The following ERG variants were observed in gnomAD, a reference collection of about 807,000 sequenced individuals.
The protein encoded by ERG is transcriptional regulator ERG.
In ERG, 9 loss-of-function variants were observed where a neutral mutation model predicts 55.3. The observed-to-expected ratio is 0.16, with a 90% CI of 0.10 to 0.28. The LOEUF (loss-of-function observed/expected upper bound fraction) is 0.28. ERG is among the 10% of genes least tolerant of loss of function. The pLI, the probability that ERG is intolerant of heterozygous loss-of-function variation, is 1.00. For missense variants in ERG, 434 were observed against 631.6 expected (o/e 0.69, Z 3.35); for synonymous variants, 223 against 237.3 (o/e 0.94, Z 0.55).
At chr21:38,415,223 GTT>G (rs1247776070) in intron 3 of ERG, among the ~76,000 whole-genome samples, 2 of 152,160 alleles carry the variant, frequency 1.3e-5, no homozygotes, top group African/African-American at 4.8e-5. Context: ...AGCGTTCCTA[GTT>G]TTAGTTTCTT....
intron 2 of ERG, among the ~76,000 whole-genome samples, chr21:38,567,401 C>T (rs958224360): frequency 4.6e-5 from 7 of 151,992 alleles, no homozygotes; most frequent in Admixed American, 1.3e-4. Flanking sequence ...TTTAATTGTG[C>T]CATCATCCTG....
chr21:38,427,887 C>T (rs1481212250), intron 2 of ERG, among the ~76,000 whole-genome samples: 1 of 152,082 alleles, frequency 6.6e-6, no homozygotes, highest in Non-Finnish European at 1.5e-5. Context: ...GAGATATCTG[C>T]TTTACTTAAG....
intron 1 of ERG, among the ~76,000 whole-genome samples, chr21:38,658,556 C>T (rs1488453044): frequency 6.6e-6 from 1 of 151,418 alleles, no homozygotes; most frequent in Admixed American, 6.6e-5. Context: ...TTAAAGATAG[C>T]AAGATAAAAA....
rs191255084 is a variant in ERG at position 38,571,547 on chromosome 21, T to A, written c.-41+4115A>T. On this transcript the variant is annotated intron_variant, in intron 2 of 8. Coordinates refer to the ERG transcript ENST00000398897. ...ATAAAAATAAATAATAAATAAAAAA[T>A]TTTTAAAAAAGGTACCTGGAACGGC... Among the ~76,000 whole-genome samples the A allele has an allele frequency of 2.9e-3, 443 of 151,690 alleles. 2 individuals are homozygous for A. Among genetic ancestry groups the A allele is most frequent in the Admixed American group, 5.1e-3 (77 of 15,246 alleles).
chr21:38,579,539 C>G (rs1041303563), intron 1 of ERG, among the ~76,000 whole-genome samples: 2 of 152,132 alleles, frequency 1.3e-5, no homozygotes, highest in Admixed American at 6.5e-5. Context: ...CACCAAGGAG[C>G]CTTGATGAAC....
intron 1 of ERG, among the ~76,000 whole-genome samples, chr21:38,649,872 A>G (rs2060478405): frequency 6.6e-6 from 1 of 152,222 alleles, no homozygotes; most frequent in Non-Finnish European, 1.5e-5. Context: ...GTGACCCTAC[A>G]ATGAAGCATC....
chr21:38,622,554 C>T lies in ERG; in HGVS notation c.-149-37609G>A, dbSNP rs574662257. On this transcript the variant is annotated intron_variant, in intron 1 of 10. Transcript: ENST00000398910. ...ACATACACACCATACCACGCACATA[C>T]ACACCACGCACACATGCTCATATGT... Among the ~76,000 whole-genome samples the T allele has an allele frequency of 2.4e-3, 357 of 148,934 alleles. 1 individual carries two copies. The highest frequency in any genetic ancestry group is 8.3e-3 in the African/African-American group (335 of 40,280).
intron 1 of ERG, among the ~76,000 whole-genome samples, chr21:38,650,372 C>T (rs111319121): frequency 0.041 from 6,211 of 152,190 alleles, 392 homozygotes; most frequent in African/African-American, 0.14. Flanking sequence ...CACGGTGGCT[C>T]AGCCTGTAAT....
chr21:38,503,880 A>C (rs1444501360), intron 2 of ERG, among the ~76,000 whole-genome samples: 1 of 152,154 alleles, frequency 6.6e-6, no homozygotes, highest in African/African-American at 2.4e-5. Context: ...CATACGCGGC[A>C]TGAAGACACT....
chr21:38,556,191 A>C (rs2059857161), intron 2 of ERG, among the ~76,000 whole-genome samples: 1 of 152,218 alleles, frequency 6.6e-6, no homozygotes, highest in African/African-American at 2.4e-5. Context: ...GTTTCAAAAA[A>C]TTGAAAAAAT....
chr21:38,597,846 C>A (rs2060141583), intron 1 of ERG, among the ~76,000 whole-genome samples: 1 of 152,154 alleles, frequency 6.6e-6, no homozygotes, highest in Non-Finnish European at 1.5e-5. Flanking sequence ...ATTATAAAAT[C>A]ATATAATTTA....
intron 1 of ERG, among the ~76,000 whole-genome samples, chr21:38,446,271 T>A (rs1288816334): frequency 6.8e-6 from 1 of 147,850 alleles, no homozygotes; most frequent in Non-Finnish European, 1.5e-5. Flanking sequence ...AGTATCCAGA[T>A]GCTTCCAAAC....
chr21:38,545,518 T>C (rs2059782567), intron 2 of ERG, among the ~76,000 whole-genome samples: 1 of 152,194 alleles, frequency 6.6e-6, no homozygotes, highest in South Asian at 2.1e-4. Context: ...GTGACGGATA[T>C]TTTCCCTGTG....
At chr21:38,592,761 G>C (rs1025195480) in intron 1 of ERG, among the ~76,000 whole-genome samples, 1 of 152,168 alleles carries the variant, frequency 6.6e-6, no homozygotes, top group African/African-American at 2.4e-5. Context: ...GTGCAGTTTT[G>C]CTGGAAGAAA....
intron 2 of ERG, among the ~76,000 whole-genome samples, chr21:38,522,205 A>G (rs982498419): frequency 2.6e-5 from 4 of 152,188 alleles, no homozygotes; most frequent in African/African-American, 7.2e-5. Flanking sequence ...GCTGTTTCAT[A>G]TATAAGTTTT....
intron 2 of ERG, among the ~76,000 whole-genome samples, chr21:38,426,364 A>G (rs1989823731): frequency 6.6e-6 from 1 of 152,192 alleles, no homozygotes; most frequent in African/African-American, 2.4e-5. Context: ...TAGAGTGTAT[A>G]TGTTTTGGTA....
chr21:38,536,518 C>A (rs1303010925), intron 2 of ERG, among the ~76,000 whole-genome samples: 1 of 152,176 alleles, frequency 6.6e-6, no homozygotes, highest in East Asian at 1.9e-4. Flanking sequence ...GCATTTTATG[C>A]ATCCTCTGTT....
rs74691477 is a variant in ERG at position 38,630,695 on chromosome 21, A to G, written c.-150+30963T>C. Among the ~76,000 whole-genome samples the G allele has an allele frequency of 4.3e-3, 652 of 152,366 alleles. 5 individuals carry two copies. The highest frequency in any genetic ancestry group is 0.015 in the African/African-American group (608 of 41,592). On this transcript the variant is annotated intron_variant, in intron 1 of 10. Coordinates refer to the ERG transcript ENST00000398910. ...TACTGAAAACAACAACCAATCCTGCATAAGTTGAAAATCACCTTGAGTGCA... is the reference window on the plus strand; with the variant it reads ...TACTGAAAACAACAACCAATCCTGCGTAAGTTGAAAATCACCTTGAGTGCA...
chr21:38,605,692 A>G (rs7278530), intron 1 of ERG, among the ~76,000 whole-genome samples: 10,881 of 152,216 alleles, frequency 0.071, 695 homozygotes, highest in African/African-American at 0.17. Flanking sequence ...GACCCAAGAG[A>G]AGCAGGAGAG....
Sources: gnomAD v4.1 joint callset for allele counts (sites outside exome capture counted in the v4.1 genomes callset) on GRCh38, gnomAD v4.1.1 for gene constraint, MANE v1.5 for transcripts, NCBI Gene and HGNC (gene_info 2026-07-23, HGNC 2026-07-21) for gene names.